CTNNBL1: variants seen among roughly 807,000 people sequenced by gnomAD.
The protein encoded by CTNNBL1 is catenin beta like 1, also known as beta-catenin-like protein 1.
Under a neutral mutation model 72.7 loss-of-function variants are expected in CTNNBL1, and 31 were observed. That is an observed-to-expected ratio of 0.43 (90% CI 0.32 to 0.58). The LOEUF is 0.58. Among genes scored for constraint, CTNNBL1 ranks in the 20% least tolerant of loss-of-function variants. The pLI is 0.08. For synonymous variants in CTNNBL1, 240 were observed against 267.3 expected (o/e 0.90, Z 1.00); for missense variants, 534 against 725.1 (o/e 0.74, Z 3.03).
chr20:37,742,932 T>C (rs964140001), intron 3 of CTNNBL1, among the ~76,000 whole-genome samples: 10 of 151,998 alleles, frequency 6.6e-5, no homozygotes, highest in African/African-American at 2.4e-4. Context: ...GCTTCTCGAG[T>C]AGCTGGGATT....
At chr20:37,868,513 G>T (rs4811247) in intron 15 of CTNNBL1, among the ~76,000 whole-genome samples, 1 of 151,948 alleles carries the variant, frequency 6.6e-6, no homozygotes, top group Non-Finnish European at 1.5e-5. Context: ...GTTCCACTCC[G>T]CTCTGTATGG....
rs901376211 is a variant in CTNNBL1 at position 37,770,411 on chromosome 20, A to G, written c.750+2367A>G. On this transcript the variant is annotated intron_variant, in intron 7 of 15. Transcript: ENST00000361383. ...CCTGAGTTGTTGGGGGAGTAGCCAC[A>G]CGTTAGGGACGCAACCTTGAAATAC... Among the ~76,000 whole-genome samples, 4 of 152,306 alleles carry G rather than the reference A, an allele frequency of 2.6e-5. No homozygotes were observed. The South Asian group carries it at 6.2e-4, about 24-fold the overall frequency.
At chr20:37,710,620 A>G (rs1315948028) in intron 1 of CTNNBL1, among the ~76,000 whole-genome samples, 2 of 152,142 alleles carry the variant, frequency 1.3e-5, no homozygotes, top group East Asian at 1.9e-4. Context: ...ACTGTTGTCC[A>G]CTAATCATGA....
chr20:37,779,308 G>A lies in CTNNBL1; in HGVS notation c.1004G>A (p.Gly335Asp). 6.2e-7 allele frequency: 1 copy of A among 1,613,644 alleles called. No homozygotes were observed. Among genetic ancestry groups the A allele is most frequent in the Non-Finnish European group, 8.5e-7 (1 of 1,179,690 alleles). Residue 335 changes from glycine to aspartate, a missense_variant, in exon 10 of 16, where the codon GGT (glycine) becomes GAT (aspartate). Transcript: ENST00000361383. ...SNRERFLKGE[G>D]LQLMNLMLRE... The stretch of plus-strand genomic sequence containing the variant: ...CGTGAGCGCTTCCTGAAGGGCGAGG[G>A]TCTTCAGCTGATGAATCTCATGCTC...
intron 11 of CTNNBL1, 83 bp downstream of exon 11, chr20:37,803,131 G>A (rs929162742): frequency 5.0e-5 from 63 of 1,256,220 alleles, no homozygotes; most frequent in African/African-American, 3.3e-4. Flanking sequence ...AAATTCTGAC[G>A]TGTTTGGGGG....
At chr20:37,724,546 GTGTC>G (rs1053446719) in intron 1 of CTNNBL1, among the ~76,000 whole-genome samples, 1 of 152,136 alleles carries the variant, frequency 6.6e-6, no homozygotes, top group African/African-American at 2.4e-5. Flanking sequence ...GAGGAGGTGA[GTGTC>G]TGGTCACTGG....
intron 11 of CTNNBL1, among the ~76,000 whole-genome samples, chr20:37,810,836 T>G (rs2072005830): frequency 6.6e-6 from 1 of 152,212 alleles, no homozygotes; most frequent in Non-Finnish European, 1.5e-5. Flanking sequence ...CTTAGGTTGG[T>G]CTCCTGGTTC....
chr20:37,773,094 A>T (rs1341428552), intron 7 of CTNNBL1, among the ~76,000 whole-genome samples: 1 of 152,218 alleles, frequency 6.6e-6, no homozygotes, highest in Non-Finnish European at 1.5e-5. Flanking sequence ...CAAGTATAAG[A>T]TTCCCTCTTG....
chr20:37,803,716 T>C (rs570326586), intron 11 of CTNNBL1, among the ~76,000 whole-genome samples: 2 of 152,276 alleles, frequency 1.3e-5, no homozygotes, highest in South Asian at 4.2e-4. Flanking sequence ...CCAGGGAATT[T>C]ACATGGTTGG....
chr20:37,868,757 C>T (rs1197772030), intron 15 of CTNNBL1, among the ~76,000 whole-genome samples: 2 of 152,172 alleles, frequency 1.3e-5, no homozygotes, highest in Admixed American at 6.5e-5. Flanking sequence ...CTGCTTCGTA[C>T]ATCCCTAGAA....
Position 37,749,407 on chromosome 20 carries a change from G to A in CTNNBL1, c.466+2800G>A, listed in dbSNP as rs555199500. On this transcript the variant is annotated intron_variant, in intron 4 of 15. Transcript: ENST00000361383. ...GACACAAAAAACGCTGCTCGACATC[G>A]GCATATTTGGGAAAGGCAAGGGCAC... is the stretch of plus-strand genomic sequence containing the variant. Among the ~76,000 whole-genome samples, 153 of 152,264 alleles carry A rather than the reference G, an allele frequency of 1.0e-3. 2 individuals carry two copies. Among genetic ancestry groups the A allele is most frequent in the Non-Finnish European group, 1.9e-3 (129 of 68,012 alleles).
At chr20:37,760,139 A>G (rs2073402363) in intron 5 of CTNNBL1, among the ~76,000 whole-genome samples, 5 of 152,344 alleles carry the variant, frequency 3.3e-5, no homozygotes, top group Middle Eastern at 3.4e-3. Context: ...TGTGCTTTGT[A>G]ACAAGTTGAT....
chr20:37,760,472 A>G (rs2073406422), intron 5 of CTNNBL1, among the ~76,000 whole-genome samples: 1 of 152,148 alleles, frequency 6.6e-6, no homozygotes, highest in African/African-American at 2.4e-5. Flanking sequence ...TTGTTCTAGC[A>G]CTTTGTACAT....
chr20:37,779,305 AG>A lies in CTNNBL1; in HGVS notation c.1004del (p.Gly335ValfsTer4). 1 of 1,613,678 alleles carries A rather than the reference AG, an allele frequency of 6.2e-7. No individual in the cohort carries two copies. Among genetic ancestry groups the A allele is most frequent in the Non-Finnish European group, 8.5e-7 (1 of 1,179,688 alleles). On this transcript the variant is annotated frameshift_variant, in exon 10 of 16. Transcript: ENST00000361383. LOFTEE classifies it high-confidence loss of function. ...SSNRERFLKG[E>X]GLQLMNLMLR... ...AATCGTGAGCGCTTCCTGAAGGGCG[AG>A]GGTCTTCAGCTGATGAATCTCATGC...
intron 7 of CTNNBL1, among the ~76,000 whole-genome samples, chr20:37,772,507 T>C (rs2073534361): frequency 1.3e-5 from 2 of 152,098 alleles, no homozygotes; most frequent in African/African-American, 2.4e-5. Context: ...CGCCACCACA[T>C]CCGGCTAATT....
intron 7 of CTNNBL1, among the ~76,000 whole-genome samples, chr20:37,776,723 G>T (rs994149343): frequency 2.0e-4 from 30 of 152,310 alleles, no homozygotes; most frequent in African/African-American, 6.7e-4. Context: ...ATGCAGCGGG[G>T]AAAGAATTGT....
chr20:37,855,931 A>G (rs1212355281), intron 13 of CTNNBL1, among the ~76,000 whole-genome samples: 2 of 151,828 alleles, frequency 1.3e-5, no homozygotes, highest in Admixed American at 1.3e-4. Flanking sequence ...CTGTTTGGCA[A>G]ATGCTTTCCA....
chr20:37,870,830 C>T (rs1440167281), intron 15 of CTNNBL1, among the ~76,000 whole-genome samples: 1 of 152,184 alleles, frequency 6.6e-6, no homozygotes, highest in South Asian at 2.1e-4. Context: ...CCACGCTGAC[C>T]TCTTCGCTGA....
At chr20:37,811,097 CAGA>C (rs2072008831) in intron 11 of CTNNBL1, among the ~76,000 whole-genome samples, 1 of 152,084 alleles carries the variant, frequency 6.6e-6, no homozygotes, top group Non-Finnish European at 1.5e-5. Flanking sequence ...AGGTACTTGC[CAGA>C]AGAACTTCTT....
Sources: allele counts gnomAD v4.1 joint callset (sites outside exome capture counted in the v4.1 genomes callset), GRCh38; gene constraint gnomAD v4.1.1; transcripts MANE v1.5; gene names NCBI Gene and HGNC (gene_info 2026-07-23, HGNC 2026-07-21).